CCDC186: variants seen among roughly 807,000 people sequenced by gnomAD.
The protein encoded by CCDC186 is coiled-coil domain containing 186, also known as coiled-coil domain-containing protein 186.
In CCDC186, 49 loss-of-function variants were observed where a neutral mutation model predicts 113.7. The ratio of observed to expected loss-of-function variants is 0.43; its 90% CI spans 0.34 to 0.55. The LOEUF is 0.55. Ranked by LOEUF, CCDC186 falls within the 20% of genes least tolerant of loss-of-function variation. The probability of loss-of-function intolerance (pLI) is 0.02; values close to 1 mark genes in which losing one functional copy is unlikely to be tolerated. For missense variants in CCDC186, 890 were observed against 1,011.1 expected, an observed-to-expected ratio of 0.88 and a Z score of 1.62; for synonymous variants, 355 against 345.8, an observed-to-expected ratio of 1.03 and a Z score of -0.30.
intron 6 of CCDC186, among the ~76,000 whole-genome samples, chr10:114,140,911 T>C (rs1414029036): frequency 6.6e-6 from 1 of 152,020 alleles, no homozygotes; most frequent in Non-Finnish European, 1.5e-5. Flanking sequence ...TTTTTTTTTT[T>C]TAAGACACAG....
rs370327268 is a variant in CCDC186 at position 114,137,768 on chromosome 10, G to A, written c.1222-478C>T. Reference sequence around the variant, plus strand: ...AATAAAAAAATTGGCCAGGCATGGTGGCTCATGCCTGTAATCCCAGCACTT... The same window carrying A: ...AATAAAAAAATTGGCCAGGCATGGTAGCTCATGCCTGTAATCCCAGCACTT... On this transcript the variant is annotated intron_variant, in intron 6 of 15. Coordinates refer to ENST00000369287, the MANE Select transcript of CCDC186 (RefSeq NM_018017.4). Among the ~76,000 whole-genome samples, 69 of 152,182 alleles carry A rather than the reference G, an allele frequency of 4.5e-4. 2 individuals are homozygous for A. The South Asian group carries it at 0.014, about 31-fold the overall frequency.
At chr10:114,134,635 C>A (rs959711195) in intron 10 of CCDC186, among the ~76,000 whole-genome samples, 2 of 152,106 alleles carry the variant, frequency 1.3e-5, no homozygotes, top group East Asian at 3.8e-4. Context: ...GCATAAGTAA[C>A]AGAATTTGAA....
rs1484171773 is a variant in CCDC186 at position 114,123,856 on chromosome 10, T to A, written c.*1287A>T. 2.0e-5 allele frequency: 3 copies of A among 152,354 alleles called. No homozygotes were observed. In the East Asian group the frequency reaches 5.8e-4, roughly 29 times the overall value. The allele number at this position is 152,354 out of a possible 1,614,324, so 9.4% of individuals were successfully genotyped here. On this transcript the variant is annotated 3_prime_UTR_variant, in exon 16 of 16. Coordinates refer to ENST00000369287, the MANE Select transcript of CCDC186 (RefSeq NM_018017.4). ...TATTTTAGGTATGTGTGAGGTTTTT[T>A]GTTTTAAGAGACAGGGTCTTGCTCT...
intron 15 of CCDC186, 60 bp downstream of exon 15, chr10:114,125,826 T>G: frequency 7.0e-7 from 1 of 1,421,740 alleles, no homozygotes; most frequent in Non-Finnish European, 9.9e-7. Flanking sequence ...GATCAGACTG[T>G]GAAACAGGCA....
In CCDC186 at chr10:114,151,013, G is replaced by A. The variant is rs552595316; in HGVS notation, c.888+79C>T. 7 of 1,512,932 alleles carry A rather than the reference G, an allele frequency of 4.6e-6. No homozygotes were observed. The African/African-American group carries it at 8.4e-5, about 18-fold the overall frequency. 93.7% of individuals were successfully genotyped at this position (1,512,932 alleles called of 1,614,324 possible). On this transcript the variant is annotated intron_variant, in intron 4 of 15. Transcript: ENST00000369287. ...TAATACAATAGTGAGGTCCAAAATAGTCTAACAGTGTTAGCTTATTTTAAC... is the reference window on the plus strand; with the variant it reads ...TAATACAATAGTGAGGTCCAAAATAATCTAACAGTGTTAGCTTATTTTAAC...
intron 2 of CCDC186, among the ~76,000 whole-genome samples, chr10:114,160,971 A>G (rs1040990130): frequency 2.6e-5 from 4 of 152,198 alleles, no homozygotes; most frequent in African/African-American, 7.2e-5. Context: ...TAAGGTGAAA[A>G]ATCTTTCACT....
chr10:114,135,237 G>A (rs1454386181), intron 9 of CCDC186, among the ~76,000 whole-genome samples, 182 bp from the exon 10 acceptor site: 1 of 152,134 alleles, frequency 6.6e-6, no homozygotes, highest in Admixed American at 6.5e-5. Context: ...AGTCATGGGA[G>A]TTTTAGCATG....
intron 4 of CCDC186, among the ~76,000 whole-genome samples, chr10:114,147,315 A>T (rs1390358590): frequency 6.6e-6 from 1 of 152,212 alleles, no homozygotes; most frequent in Non-Finnish European, 1.5e-5. Flanking sequence ...AATTATAGTA[A>T]ATGAATGTAC....
Position 114,131,954 on chromosome 10 carries a change from T to C in CCDC186, c.1886A>G (p.Gln629Arg). 1 of 1,608,766 alleles carries C rather than the reference T, an allele frequency of 6.2e-7. No homozygotes were observed. Among genetic ancestry groups the C allele is most frequent in the Non-Finnish European group, 8.5e-7 (1 of 1,177,366 alleles). Residue 629 changes from glutamine (Q) to arginine (R), a missense_variant, in exon 11 of 16, where the codon CAA (glutamine) becomes CGA (arginine). Coordinates refer to ENST00000369287, the MANE Select transcript of CCDC186 (RefSeq NM_018017.4). ...CAAATTAATATTTGTCTGTTTCATT[T>C]GTTCACACTGGCTTTGTAACTGACT... is the stretch of plus-strand genomic sequence containing the variant. The part of the protein sequence containing the change: ...SESQLQSQCE[Q>R]MKQTNINLES...
rs943753760 is a variant in CCDC186, at chr10:114,144,389, T to G, written c.1221+108A>C. 11 of 1,366,474 alleles carry G rather than the reference T, an allele frequency of 8.0e-6. 1 individual carries two copies. The South Asian group carries it at 1.6e-4, about 20-fold the overall frequency. The allele number at this position is 1,366,474 out of a possible 1,614,324, so 84.6% of individuals were successfully genotyped here. A position where few individuals can be genotyped will look rare whatever the true frequency, so the allele number is the denominator to read the frequency against. ...CTGTTATTGCATTTGCTCTTAAAAC[T>G]CATTCTAATCTGAAAGAGCGAGACT... On this transcript the variant is annotated intron_variant, in intron 6 of 15. Transcript: ENST00000369287.
chr10:114,145,988 C>G (rs2119775819), intron 4 of CCDC186, among the ~76,000 whole-genome samples: 1 of 152,286 alleles, frequency 6.6e-6, no homozygotes, highest in African/African-American at 2.4e-5. Context: ...GTTCCTTTTA[C>G]TTCGGCTAAT....
intron 3 of CCDC186, among the ~76,000 whole-genome samples, chr10:114,154,210 CAA>C (rs1276405190): frequency 0.039 from 3,167 of 81,122 alleles, 96 homozygotes; most frequent in African/African-American, 0.12. Context: ...GACCTTGTCT[CAA>C]AAAAAAAAAA....
intron 9 of CCDC186, among the ~76,000 whole-genome samples, 180 bp from the exon 10 acceptor site, chr10:114,135,235 G>A (rs1287668509): frequency 6.6e-5 from 10 of 152,128 alleles, no homozygotes; most frequent in Non-Finnish European, 1.5e-4. Flanking sequence ...TCAGTCATGG[G>A]AGTTTTAGCA....
chr10:114,143,600 A>C (rs536987585), intron 6 of CCDC186, among the ~76,000 whole-genome samples: 1 of 152,240 alleles, frequency 6.6e-6, no homozygotes, highest in East Asian at 1.9e-4. Context: ...GAAACCCACT[A>C]TTCTCTAATC....
At chr10:114,164,953 A>T (rs2032293386) in intron 1 of CCDC186, among the ~76,000 whole-genome samples, 1 of 152,254 alleles carries the variant, frequency 6.6e-6, no homozygotes, top group South Asian at 2.1e-4. Flanking sequence ...TTTCTAGCAC[A>T]TAGTGGGTTC....
intron 3 of CCDC186, among the ~76,000 whole-genome samples, chr10:114,154,095 C>A (rs2031937286): frequency 2.0e-5 from 3 of 151,124 alleles, no homozygotes; most frequent in Admixed American, 1.3e-4. Flanking sequence ...CCTGTAGTAG[C>A]AGCTACTCGG....
rs1368166341 is a variant in CCDC186, at chr10:114,125,246, G to A, written c.2614-20C>T. The A allele has an allele frequency of 2.6e-6, 4 of 1,533,698 alleles. No homozygotes were observed. In the East Asian group the frequency reaches 9.0e-5, roughly 35 times the overall value. On this transcript the variant is annotated intron_variant, in intron 15 of 15. Transcript: ENST00000369287. ...ATTTTCCTTTAATAATTGGGGTGAG[G>A]GGAAAGGGAAGAGAAAAACAAAAGT...
chr10:114,168,448 T>C (rs1391753082), intron 1 of CCDC186, among the ~76,000 whole-genome samples: 3 of 152,202 alleles, frequency 2.0e-5, no homozygotes, highest in Non-Finnish European at 4.4e-5. Flanking sequence ...AAAATTTAGG[T>C]TTGATAAACT....
At chr10:114,163,527 T>A (rs1312829808) in intron 1 of CCDC186, among the ~76,000 whole-genome samples, 198 bp from the exon 2 acceptor site, 1 of 152,174 alleles carries the variant, frequency 6.6e-6, no homozygotes, top group Admixed American at 6.5e-5. Flanking sequence ...GTAGGGCCAC[T>A]GCAAAGTCTG....
Sources: gnomAD v4.1 joint callset for allele counts (sites outside exome capture counted in the v4.1 genomes callset) on GRCh38, gnomAD v4.1.1 for gene constraint, MANE v1.5 for transcripts, NCBI Gene and HGNC (gene_info 2026-07-23, HGNC 2026-07-21) for gene names.